The following AFTPH variants were observed in gnomAD, a reference collection of about 807,000 sequenced individuals.
AFTPH encodes the protein aftiphilin.
AFTPH carries 7 observed loss-of-function variants against 72.5 expected under a neutral mutation model. That is an observed-to-expected ratio of 0.10 (90% CI 0.05 to 0.18). The LOEUF (loss-of-function observed/expected upper bound fraction) is 0.18, where lower values mean the gene tolerates loss of function less well. Ranked by LOEUF, AFTPH falls within the 10% of genes least tolerant of loss-of-function variation. The probability of loss-of-function intolerance (pLI) is 1.00; values close to 1 mark genes in which losing one functional copy is unlikely to be tolerated. For missense variants in AFTPH, 979 were observed against 1,060.5 expected (o/e 0.92, Z 1.07); for synonymous variants, 337 against 370.1 (o/e 0.91, Z 1.03).
chr2:64,527,264 C>T (rs1036633974), intron 1 of AFTPH, among the ~76,000 whole-genome samples: 2 of 152,130 alleles, frequency 1.3e-5, no homozygotes, highest in Non-Finnish European at 2.9e-5. Context: ...CTAAGGTTTG[C>T]ATGAAGTTCT....
chr2:64,559,291 G>C (rs1360867180), intron 2 of AFTPH, among the ~76,000 whole-genome samples: 2 of 152,160 alleles, frequency 1.3e-5, no homozygotes, highest in Non-Finnish European at 1.5e-5. Flanking sequence ...AGGGAGGGAA[G>C]GATGGGGAGG....
Position 64,573,092 on chromosome 2 carries a change from AAT to A in AFTPH, c.2394+27_2394+28del, listed in dbSNP as rs768264567. The A allele has an allele frequency of 3.8e-6, 6 of 1,586,856 alleles. 1 individual carries two copies. Among genetic ancestry groups the A allele is most frequent in the South Asian group, 3.3e-5 (3 of 90,452 alleles). Reference sequence around the variant, plus strand: ...AGGTAAAAATATCTATATGTGTATAAATATGTTTATGCGTGTATATACACATA... The same window carrying A: ...AGGTAAAAATATCTATATGTGTATAAATGTTTATGCGTGTATATACACATA... On this transcript the variant is annotated intron_variant, in intron 6 of 8. Transcript: ENST00000238856.
At position 64,547,102 on chromosome 2, in the gene AFTPH, C is replaced by T. The variant is rs560074825; in HGVS notation, c.-32-4341C>T. Among the ~76,000 whole-genome samples the T allele has an allele frequency of 1.2e-4, 19 of 152,236 alleles. No individual in the cohort carries two copies. The South Asian group carries it at 3.9e-3, about 32-fold the overall frequency. On this transcript the variant is annotated intron_variant, in intron 1 of 8. Coordinates refer to ENST00000238856, the Ensembl canonical transcript of AFTPH. ...ACTACCATCACAATCAAGAAATTAA[C>T]CTTGATACATTGCTGCTATAGTGAA... is the stretch of plus-strand genomic sequence containing the variant.
exon 2 of AFTPH, chr2:64,552,754 T>C (rs375702749): frequency 1.9e-6 from 3 of 1,614,188 alleles, no homozygotes; most frequent in Non-Finnish European, 2.5e-6. Flanking sequence ...TGCAATGATA[T>C]CAATGAAGAT....
At chr2:64,585,433 G>C (rs780475739) in exon 8 of AFTPH, 2 of 1,613,650 alleles carry the variant, frequency 1.2e-6, no homozygotes, top group Non-Finnish European at 1.7e-6. Flanking sequence ...TGTGGATCCG[G>C]AGTTGTATGA....
exon 2 of AFTPH, chr2:64,552,777 T>G (rs1051732958): frequency 6.2e-6 from 10 of 1,614,060 alleles, no homozygotes; most frequent in Non-Finnish European, 8.5e-6. Context: ...TTTTGGTGAT[T>G]TTGGTGACTT....
In AFTPH at chr2:64,529,945, G is replaced by A. The variant is rs1367808232; in HGVS notation, c.-33+5333G>A. Among the ~76,000 whole-genome samples, 9 of 152,254 alleles carry A rather than the reference G, an allele frequency of 5.9e-5. No homozygotes were observed. In the East Asian group the frequency reaches 1.5e-3, roughly 26 times the overall value. ...AAGGCGGGCATATCACTTGAGGTTT[G>A]GAGTTGGAGACCAGCCTGGCCAACA... is the stretch of plus-strand genomic sequence containing the variant. On this transcript the variant is annotated intron_variant, in intron 1 of 8. Coordinates refer to ENST00000238856, the Ensembl canonical transcript of AFTPH.
chr2:64,524,883 C>T (rs965700543), intron 1 of AFTPH, among the ~76,000 whole-genome samples: 6 of 152,256 alleles, frequency 3.9e-5, no homozygotes, highest in South Asian at 4.1e-4. Flanking sequence ...GAGTCCTTCC[C>T]TCCCCGGCCA....
At chr2:64,538,952 AGTTAC>A (rs1206713650) in intron 1 of AFTPH, among the ~76,000 whole-genome samples, 19 of 151,366 alleles carry the variant, frequency 1.3e-4, no homozygotes, top group Non-Finnish European at 2.2e-4. Context: ...CAGCTGCCAC[AGTTAC>A]GTTTTTAGGT....
At chr2:64,565,244 G>T (rs1182958895) in intron 2 of AFTPH, among the ~76,000 whole-genome samples, 1 of 152,002 alleles carries the variant, frequency 6.6e-6, no homozygotes, top group African/African-American at 2.4e-5. Flanking sequence ...TTGGGAGACC[G>T]AGGTGGGTGG....
chr2:64,547,242 C>T (rs531869475), intron 1 of AFTPH, among the ~76,000 whole-genome samples: 25 of 152,318 alleles, frequency 1.6e-4, no homozygotes, highest in Middle Eastern at 3.4e-3. Flanking sequence ...CTTCTTCAAT[C>T]TGAAACAGGT....
chr2:64,539,771 G>A (rs1188606836), intron 1 of AFTPH, among the ~76,000 whole-genome samples: 1 of 152,182 alleles, frequency 6.6e-6, no homozygotes, highest in Non-Finnish European at 1.5e-5. Flanking sequence ...AGTAACTCTT[G>A]AAAGAGCAGT....
chr2:64,587,403 T>C (rs1673580662), intron 8 of AFTPH, among the ~76,000 whole-genome samples: 1 of 152,240 alleles, frequency 6.6e-6, no homozygotes, highest in Non-Finnish European at 1.5e-5. Flanking sequence ...CTTAAAATAC[T>C]GTAAAATGTC....
At chr2:64,555,716 A>T (rs2103963004) in intron 2 of AFTPH, among the ~76,000 whole-genome samples, 1 of 152,224 alleles carries the variant, frequency 6.6e-6, no homozygotes, top group East Asian at 1.9e-4. Flanking sequence ...AGGCCAGAAG[A>T]AGTTTGGGAA....
rs1379761573 is a variant in AFTPH, at chr2:64,524,359, G to C, written c.-286G>C. 31 of 402,232 alleles carry C rather than the reference G, an allele frequency of 7.7e-5. No homozygotes were observed. The East Asian group carries it at 1.1e-3, about 14-fold the overall frequency. 24.9% of individuals were successfully genotyped at this position (402,232 alleles called of 1,614,324 possible). A position where few individuals can be genotyped will look rare whatever the true frequency, so the allele number is the denominator to read the frequency against. ...TGATGGGAGAGTGTGTGGAGTGGGC[G>C]GGGGGTCTCCGCGGAGGAGGTGGAG... On this transcript the variant is annotated 5_prime_UTR_variant, in exon 1 of 9. Coordinates refer to ENST00000238856, the Ensembl canonical transcript of AFTPH.
chr2:64,579,619 T>C lies in AFTPH; in HGVS notation c.2455+73T>C, dbSNP rs1046700114. On this transcript the variant is annotated intron_variant, in intron 7 of 8. Coordinates refer to ENST00000238856, the Ensembl canonical transcript of AFTPH. ...GCTACAAAGTTCAGACAAACTTCTC[T>C]CTGCTGATTTCCTTTTTTGTTTGAA... The C allele has an allele frequency of 2.3e-6, 3 of 1,300,624 alleles. No individual in the cohort carries two copies. In the African/African-American group the frequency reaches 4.4e-5, roughly 19 times the overall value. 80.6% of individuals were successfully genotyped at this position (1,300,624 alleles called of 1,614,324 possible).
chr2:64,551,952 A>G (rs1671071513), exon 2 of AFTPH: 1 of 1,613,514 alleles, frequency 6.2e-7, no homozygotes, highest in East Asian at 2.2e-5. Flanking sequence ...AACTAATATG[A>G]ATGTTGTTCA....
chr2:64,552,708 G>A (rs1293002479), exon 2 of AFTPH: 10 of 1,614,130 alleles, frequency 6.2e-6, no homozygotes, highest in Middle Eastern at 1.6e-4. Context: ...TTCTTTAAGT[G>A]TAAAAAATGG....
intron 6 of AFTPH, among the ~76,000 whole-genome samples, chr2:64,578,239 A>T (rs539532333): frequency 6.6e-6 from 1 of 152,340 alleles, no homozygotes; most frequent in East Asian, 1.9e-4. Context: ...AAAAACAGCA[A>T]GTGATCTTAC....
Sources: allele counts gnomAD v4.1 joint callset (sites outside exome capture counted in the v4.1 genomes callset), GRCh38; gene constraint gnomAD v4.1.1; transcripts MANE v1.5; gene names NCBI Gene and HGNC (gene_info 2026-07-23, HGNC 2026-07-21).